AP3S1: variants seen among roughly 807,000 people sequenced by gnomAD.
AP3S1 encodes the protein adaptor related protein complex 3 subunit sigma 1.
AP3S1 carries 12 observed loss-of-function variants against 21.3 expected under a neutral mutation model. The observed-to-expected ratio is 0.56, with a 90% CI of 0.36 to 0.91. AP3S1 has a LOEUF of 0.91. Ranked by LOEUF, AP3S1 falls within the 40% of genes least tolerant of loss-of-function variation. AP3S1 has a pLI of 0.01. For missense variants in AP3S1, 116 were observed against 225.0 expected (o/e 0.52, Z 3.10); for synonymous variants, 48 against 78.4 (o/e 0.61, Z 2.05).
At chr5:115,899,509 A>T (rs1177502316) in intron 4 of AP3S1, among the ~76,000 whole-genome samples, 1 of 152,142 alleles carries the variant, frequency 6.6e-6, no homozygotes, top group East Asian at 1.9e-4. Context: ...GCTGGTCTTG[A>T]ACTCCTGACC....
chr5:115,891,770 A>G (rs746615809), intron 3 of AP3S1, among the ~76,000 whole-genome samples: 102 of 152,148 alleles, frequency 6.7e-4, no homozygotes, highest in Non-Finnish European at 1.1e-3. Flanking sequence ...ATTCCTGGAA[A>G]AGCCACAGAC....
intron 3 of AP3S1, among the ~76,000 whole-genome samples, chr5:115,890,532 T>C (rs543884574): frequency 6.6e-6 from 1 of 152,332 alleles, no homozygotes; most frequent in Admixed American, 6.5e-5. Flanking sequence ...AGAAGGCTTC[T>C]ATAATGCTGG....
intron 1 of AP3S1, among the ~76,000 whole-genome samples, chr5:115,860,878 A>G (rs1462277541): frequency 6.6e-6 from 1 of 152,190 alleles, no homozygotes; most frequent in East Asian, 1.9e-4. Flanking sequence ...TAACTTCTGT[A>G]CCATACTGCC....
intron 3 of AP3S1, among the ~76,000 whole-genome samples, chr5:115,883,761 A>C (rs1749520968): frequency 6.6e-6 from 1 of 152,240 alleles, no homozygotes; most frequent in African/African-American, 2.4e-5. Flanking sequence ...TTTTAGGCGA[A>C]ATACCATTTT....
At chr5:115,886,719 A>G (rs775357045) in intron 3 of AP3S1, among the ~76,000 whole-genome samples, 2 of 152,168 alleles carry the variant, frequency 1.3e-5, no homozygotes, top group African/African-American at 2.4e-5. Flanking sequence ...TTGTTCAAAG[A>G]TCACCTGTAC....
chr5:115,842,199 G>A, intron 1 of AP3S1, 93 bp downstream of exon 1: 1 of 1,467,444 alleles, frequency 6.8e-7, no homozygotes, highest in Non-Finnish European at 9.1e-7. Flanking sequence ...CCCCTCCGGC[G>A]CGCTGCGGCC....
intron 3 of AP3S1, among the ~76,000 whole-genome samples, chr5:115,882,446 T>C (rs965215553): frequency 3.3e-5 from 5 of 152,178 alleles, no homozygotes; most frequent in Non-Finnish European, 5.9e-5. Flanking sequence ...GTTTTCCTTC[T>C]AACAGGCCCC....
intron 3 of AP3S1, among the ~76,000 whole-genome samples, chr5:115,870,905 C>T (rs1748176806): frequency 6.6e-6 from 1 of 152,206 alleles, no homozygotes; most frequent in African/African-American, 2.4e-5. Flanking sequence ...GACCTTATTA[C>T]TAATAGCAAA....
intron 1 of AP3S1, among the ~76,000 whole-genome samples, chr5:115,862,892 T>C (rs1763306067): frequency 2.6e-5 from 4 of 152,244 alleles, no homozygotes; most frequent in Admixed American, 2.6e-4. Flanking sequence ...AATTGCTTGT[T>C]ATGTACCTTA....
intron 3 of AP3S1, among the ~76,000 whole-genome samples, chr5:115,877,475 G>A (rs914831337): frequency 5.3e-5 from 8 of 152,168 alleles, no homozygotes; most frequent in African/African-American, 1.9e-4. Context: ...TCCCGTGTTC[G>A]TTTGCTGAGA....
chr5:115,849,025 TCTTTCTGGATA>T (rs796192211), intron 1 of AP3S1, among the ~76,000 whole-genome samples: 5 of 152,166 alleles, frequency 3.3e-5, no homozygotes, highest in African/African-American at 9.6e-5. Context: ...AGAGGGGTGG[TCTTTCTGGATA>T]CTTTCTGATC....
chr5:115,905,080 C>G (rs1332706199), intron 5 of AP3S1, among the ~76,000 whole-genome samples: 1 of 152,102 alleles, frequency 6.6e-6, no homozygotes, highest in African/African-American at 2.4e-5. Flanking sequence ...TATTTATATC[C>G]TACTGCTCAA....
rs768946863 is a variant in AP3S1 at position 115,870,142 on chromosome 5, T to G, written c.273+14T>G. ...GATCTAATTCAAGTAAGTTAACACT[T>G]GCTTCTTACTATCTTAAATAACAGT... is the stretch of plus-strand genomic sequence containing the variant. On this transcript the variant is annotated intron_variant, in intron 3 of 5. Coordinates refer to ENST00000316788, the MANE Select transcript of AP3S1 (RefSeq NM_001284.4). The G allele has an allele frequency of 8.4e-6, 7 of 837,940 alleles. No homozygotes were observed. In the Admixed American group the frequency reaches 1.7e-4, roughly 21 times the overall value. The allele number at this position is 837,940 out of a possible 1,614,324, so 51.9% of individuals were successfully genotyped here.
intron 5 of AP3S1, among the ~76,000 whole-genome samples, chr5:115,905,064 G>A (rs1414266289): frequency 2.0e-5 from 3 of 152,104 alleles, no homozygotes; most frequent in Non-Finnish European, 4.4e-5. Context: ...CTAAGCTTGT[G>A]GGAGTTATTT....
At chr5:115,847,262 G>C (rs1023385613) in intron 1 of AP3S1, among the ~76,000 whole-genome samples, 17 of 152,166 alleles carry the variant, frequency 1.1e-4, no homozygotes, top group African/African-American at 3.6e-4. Flanking sequence ...TGAAAGAAAG[G>C]AGTGGATGGT....
intron 4 of AP3S1, among the ~76,000 whole-genome samples, chr5:115,896,598 G>A (rs759194477): frequency 2.6e-5 from 4 of 152,054 alleles, no homozygotes; most frequent in Non-Finnish European, 4.4e-5. Flanking sequence ...GGGCAACATG[G>A]CAAAACCTGG....
At chr5:115,908,718 G>A (rs1480861450) in intron 5 of AP3S1, among the ~76,000 whole-genome samples, 4 of 152,078 alleles carry the variant, frequency 2.6e-5, no homozygotes, top group African/African-American at 4.8e-5. Flanking sequence ...CATAGTTATT[G>A]CTGTCTAGAG....
At chr5:115,894,551 C>T (rs1411893351) in intron 3 of AP3S1, among the ~76,000 whole-genome samples, 1 of 152,172 alleles carries the variant, frequency 6.6e-6, no homozygotes, top group Non-Finnish European at 1.5e-5. Context: ...CGCAAGCCTG[C>T]TGAGGTGACT....
At chr5:115,904,995 G>T (rs1751519833) in intron 5 of AP3S1, among the ~76,000 whole-genome samples, 1 of 152,048 alleles carries the variant, frequency 6.6e-6, no homozygotes. Context: ...ATTGGTGGTG[G>T]TCCTTCTTTT....
Sources: allele counts gnomAD v4.1 joint callset (sites outside exome capture counted in the v4.1 genomes callset), GRCh38; gene constraint gnomAD v4.1.1; transcripts MANE v1.5; gene names NCBI Gene and HGNC (gene_info 2026-07-23, HGNC 2026-07-21).